MDGA2: variants seen among roughly 807,000 people sequenced by gnomAD.
MDGA2 encodes MAM domain containing glycosylphosphatidylinositol anchor 2.
MDGA2 carries 40 observed loss-of-function variants against 117.8 expected under a neutral mutation model. The ratio of observed to expected loss-of-function variants is 0.34; its 90% CI spans 0.26 to 0.44. MDGA2 has a LOEUF of 0.44. MDGA2 is among the 20% of genes least tolerant of loss of function. MDGA2 has a pLI of 1.00. For missense variants in MDGA2, 1,123 were observed against 1,250.6 expected (o/e 0.90, Z 1.54); for synonymous variants, 452 against 439.0 (o/e 1.03, Z -0.37).
In MDGA2 at chr14:47,059,074, G is replaced by A. The variant is rs182744129; in HGVS notation, c.1525+2175C>T. The A allele has an allele frequency of 3.9e-6, 4 of 1,026,676 alleles. No individual in the cohort carries two copies. In the East Asian group the frequency reaches 3.0e-4, roughly 76 times the overall value. The allele number at this position is 1,026,676 out of a possible 1,614,324, so 63.6% of individuals were successfully genotyped here. On this transcript the variant is annotated intron_variant, in intron 7 of 16. Transcript: ENST00000399232. Reference sequence around the variant, plus strand: ...TTAAGTCAGTAGGGAATTACAATAAGGGCAGTAAGAGGCACAGCAAATGTC... The same window carrying A: ...TTAAGTCAGTAGGGAATTACAATAAAGGCAGTAAGAGGCACAGCAAATGTC...
intron 1 of MDGA2, among the ~76,000 whole-genome samples, chr14:47,355,318 C>G (rs2416054): frequency 1.3e-5 from 2 of 151,892 alleles, no homozygotes; most frequent in African/African-American, 4.8e-5. Context: ...AGGGTGCATT[C>G]GCTAACGCTG....
At chr14:47,155,123 C>G (rs1222166392) in intron 3 of MDGA2, among the ~76,000 whole-genome samples, 1 of 152,124 alleles carries the variant, frequency 6.6e-6, no homozygotes, top group African/African-American at 2.4e-5. Context: ...GAGGGCCGTA[C>G]AGATGCTGCG....
intron 3 of MDGA2, among the ~76,000 whole-genome samples, chr14:47,175,204 G>A (rs1373877440): frequency 2.0e-4 from 30 of 151,496 alleles, no homozygotes; most frequent in Middle Eastern, 3.4e-3. Context: ...ATTCACAGCC[G>A]AATTCTACCA....
chr14:46,873,830 A>G (rs1882115327), intron 13 of MDGA2: 1 of 573,552 alleles, frequency 1.7e-6, no homozygotes, highest in Non-Finnish European at 2.8e-6. Flanking sequence ...TGAATTATCA[A>G]AAAATTCCTA....
chr14:47,344,499 C>CT (rs1374967486), intron 1 of MDGA2, among the ~76,000 whole-genome samples: 1 of 151,994 alleles, frequency 6.6e-6, no homozygotes, highest in Non-Finnish European at 1.5e-5. Flanking sequence ...TGTATGATGG[C>CT]TAATAACAAT....
chr14:46,846,730 C>G (rs1269151515), intron 15 of MDGA2, among the ~76,000 whole-genome samples: 4 of 152,046 alleles, frequency 2.6e-5, no homozygotes, highest in Non-Finnish European at 5.9e-5. Context: ...AAACTTTAAT[C>G]TTTTTGATAC....
At chr14:47,315,064 A>T (rs1426394306) in intron 1 of MDGA2, among the ~76,000 whole-genome samples, 2 of 151,990 alleles carry the variant, frequency 1.3e-5, no homozygotes, top group African/African-American at 4.8e-5. Flanking sequence ...GTATTTTTCA[A>T]TTTTTTTGTA....
At chr14:47,196,211 G>T (rs1885283441) in intron 3 of MDGA2, among the ~76,000 whole-genome samples, 1 of 152,040 alleles carries the variant, frequency 6.6e-6, no homozygotes, top group Admixed American at 6.6e-5. Context: ...CCCTTGAGTG[G>T]TAAAATTTAT....
intron 1 of MDGA2, among the ~76,000 whole-genome samples, chr14:47,621,415 C>G (rs2138927864): frequency 2.0e-5 from 3 of 152,042 alleles, no homozygotes; most frequent in South Asian, 4.2e-4. Context: ...GACTGGAGCT[C>G]CTGGGTTCAA....
At chr14:47,579,615 C>A (rs200168097) in intron 1 of MDGA2, among the ~76,000 whole-genome samples, 1 of 151,852 alleles carries the variant, frequency 6.6e-6, no homozygotes. Flanking sequence ...TAATAAGGGC[C>A]AATGGACTGA....
intron 9 of MDGA2, among the ~76,000 whole-genome samples, chr14:46,931,096 T>C (rs1884554182): frequency 6.7e-6 from 1 of 149,616 alleles, no homozygotes; most frequent in Non-Finnish European, 1.5e-5. Context: ...GCACCTGTAA[T>C]CCCAGCTACC....
chr14:46,866,331 C>A (rs993524863), intron 14 of MDGA2, among the ~76,000 whole-genome samples: 26 of 152,260 alleles, frequency 1.7e-4, no homozygotes, highest in Middle Eastern at 3.4e-3. Flanking sequence ...GGAAAACTGG[C>A]TAGCCATATG....
chr14:47,236,231 C>A (rs1247166980), intron 2 of MDGA2, among the ~76,000 whole-genome samples: 1 of 136,940 alleles, frequency 7.3e-6, no homozygotes, highest in Non-Finnish European at 1.5e-5. Flanking sequence ...GCGGAGCTTG[C>A]AGTGAGCCGA....
rs1239441041 is a variant in MDGA2 at position 47,034,991 on chromosome 14, A to C, written c.1819+20T>G. The C allele has an allele frequency of 1.3e-6, 2 of 1,594,268 alleles. No individual in the cohort carries two copies. Among genetic ancestry groups the C allele is most frequent in the Non-Finnish European group, 1.7e-6 (2 of 1,168,542 alleles). On this transcript the variant is annotated intron_variant, in intron 8 of 16. Coordinates refer to ENST00000399232, the MANE Select transcript of MDGA2 (RefSeq NM_001113498.3). ...TTCCCTTGTCCCCATATGGAAATGC[A>C]TAAAAGGGAATTTACTTACACTGAA...
At chr14:46,982,798 T>G (rs1886731328) in intron 8 of MDGA2, among the ~76,000 whole-genome samples, 1 of 151,560 alleles carries the variant, frequency 6.6e-6, no homozygotes, top group Non-Finnish European at 1.5e-5. Flanking sequence ...TACCCTTTAT[T>G]TCCTTCTCCT....
intron 1 of MDGA2, among the ~76,000 whole-genome samples, chr14:47,661,401 G>T (rs987280232): frequency 1.5e-4 from 23 of 152,084 alleles, no homozygotes; most frequent in Non-Finnish European, 1.3e-4. Flanking sequence ...ATTATTTTAT[G>T]AAAAATTACT....
intron 1 of MDGA2, among the ~76,000 whole-genome samples, chr14:47,308,097 C>A (rs1201887952): frequency 2.0e-5 from 3 of 151,994 alleles, no homozygotes; most frequent in Admixed American, 2.0e-4. Flanking sequence ...AAGGTCATTG[C>A]CTTTGGGAAT....
intron 1 of MDGA2, among the ~76,000 whole-genome samples, chr14:47,382,211 G>C (rs537869418): frequency 6.6e-6 from 1 of 152,144 alleles, no homozygotes; most frequent in Non-Finnish European, 1.5e-5. Context: ...ATTCAAGATG[G>C]ATTAAAGACT....
chr14:46,900,207 G>A (rs1883231845), intron 10 of MDGA2, among the ~76,000 whole-genome samples: 1 of 152,058 alleles, frequency 6.6e-6, no homozygotes, highest in South Asian at 2.1e-4. Flanking sequence ...TAGTGAAAAC[G>A]ACAAATCCTG....
Sources: gnomAD v4.1 joint callset for allele counts (sites outside exome capture counted in the v4.1 genomes callset) on GRCh38, gnomAD v4.1.1 for gene constraint, MANE v1.5 for transcripts, NCBI Gene and HGNC (gene_info 2026-07-23, HGNC 2026-07-21) for gene names.